LRBA: variants seen among roughly 807,000 people sequenced by gnomAD.
LRBA encodes the protein lipopolysaccharide-responsive and beige-like anchor protein.
Under a neutral mutation model 330.0 loss-of-function variants are expected in LRBA, and 176 were observed. The observed-to-expected ratio is 0.53, with a 90% CI of 0.47 to 0.60. The LOEUF is 0.60. LRBA is among the 20% of genes least tolerant of loss of function. The probability of loss-of-function intolerance (pLI) is 0.00; values close to 1 mark genes in which losing one functional copy is unlikely to be tolerated. For synonymous variants in LRBA, 1,230 were observed against 1,193.0 expected, an observed-to-expected ratio of 1.03 and a Z score of -0.64; for missense variants, 3,259 against 3,444.8, an observed-to-expected ratio of 0.95 and a Z score of 1.35.
chr4:150,838,236 T>G (rs535410873), intron 28 of LRBA, among the ~76,000 whole-genome samples: 15 of 152,350 alleles, frequency 9.8e-5, no homozygotes, highest in Admixed American at 8.5e-4. Flanking sequence ...TTTTCCTTCA[T>G]TTCAACTTTG....
In LRBA at chr4:150,308,015, A is replaced by G. The variant is rs1730581155; in HGVS notation, c.7849+2214T>C. ...ATAACCAAAAATTAATTGTTCTATA[A>G]ACTATATTAAGGCAGGAGTATGGAC... On this transcript the variant is annotated intron_variant, in intron 52 of 56. Transcript: ENST00000651943. Among the ~76,000 whole-genome samples, 3 of 152,244 alleles carry G rather than the reference A, an allele frequency of 2.0e-5. No homozygotes were observed. In the South Asian group the frequency reaches 6.2e-4, roughly 32 times the overall value.
intron 37 of LRBA, among the ~76,000 whole-genome samples, chr4:150,676,085 C>G (rs557118352): frequency 6.6e-4 from 100 of 152,202 alleles, no homozygotes; most frequent in Non-Finnish European, 1.2e-3. Flanking sequence ...TGCAATTTGT[C>G]TATAATGAAT....
chr4:150,467,630 A>T, intron 44 of LRBA, 43 bp downstream of exon 44: 1 of 1,199,660 alleles, frequency 8.3e-7, no homozygotes, highest in South Asian at 1.4e-5. Flanking sequence ...ATTTATTTTT[A>T]TATGCAAGAC....
At chr4:151,009,485 G>T (rs1490305974) in intron 2 of LRBA, among the ~76,000 whole-genome samples, 1 of 149,376 alleles carries the variant, frequency 6.7e-6, no homozygotes, top group Non-Finnish European at 1.5e-5. Context: ...GGAAGTGGAG[G>T]TTACACTGAG....
intron 36 of LRBA, among the ~76,000 whole-genome samples, chr4:150,720,428 A>G (rs1728782654): frequency 2.0e-5 from 3 of 152,128 alleles, no homozygotes; most frequent in Admixed American, 1.3e-4. Context: ...AAGAGGCTGA[A>G]GTCCTAAATA....
chr4:150,617,738 A>G (rs1342517889), intron 37 of LRBA, among the ~76,000 whole-genome samples: 1 of 152,222 alleles, frequency 6.6e-6, no homozygotes, highest in Non-Finnish European at 1.5e-5. Flanking sequence ...CATATAGGCT[A>G]CGCATCAATT....
intron 18 of LRBA, 102 bp from the exon 19 acceptor site, chr4:150,871,555 AAAC>A: frequency 4.4e-6 from 3 of 682,776 alleles, no homozygotes; most frequent in Non-Finnish European, 8.0e-6. Context: ...TTCACATTAC[AAAC>A]AATTCCCAAC....
Position 150,797,500 on chromosome 4 carries a change from G to GT in LRBA, c.5580+580dup, listed in dbSNP as rs77546765. Among the ~76,000 whole-genome samples the GT allele has an allele frequency of 7.5e-4, 114 of 151,652 alleles. 3 individuals carry two copies. The East Asian group carries it at 0.019, about 26-fold the overall frequency. ...CACAGGATACATGATTTTTATATAA[G>GT]TTTTTTTTAAAAAAATCATTAAAGT... is the stretch of plus-strand genomic sequence containing the variant. On this transcript the variant is annotated intron_variant, in intron 34 of 56. Transcript: ENST00000651943.
At chr4:150,650,914 C>T (rs1010590136) in intron 37 of LRBA, among the ~76,000 whole-genome samples, 1 of 152,088 alleles carries the variant, frequency 6.6e-6, no homozygotes, top group Non-Finnish European at 1.5e-5. Context: ...TCTATTATTA[C>T]TGTGACTAAA....
At chr4:150,528,173 AC>A (rs1338922106) in intron 40 of LRBA, among the ~76,000 whole-genome samples, 1 of 152,082 alleles carries the variant, frequency 6.6e-6, no homozygotes, top group East Asian at 1.9e-4. Flanking sequence ...ATTGTGGTAT[AC>A]CTATATTTGG....
At chr4:150,609,906 C>T (rs1203377445) in intron 37 of LRBA, among the ~76,000 whole-genome samples, 11 of 151,948 alleles carry the variant, frequency 7.2e-5, no homozygotes, top group Non-Finnish European at 1.5e-4. Context: ...AGGTATGATC[C>T]CATAAAAAGA....
intron 31 of LRBA, among the ~76,000 whole-genome samples, chr4:150,809,822 T>C (rs562317413): frequency 6.6e-6 from 1 of 152,132 alleles, no homozygotes; most frequent in Admixed American, 6.5e-5. Flanking sequence ...CATTCTAGCC[T>C]GAGTGACAAA....
intron 47 of LRBA, among the ~76,000 whole-genome samples, chr4:150,391,318 C>G (rs377666217): frequency 2.0e-5 from 3 of 152,150 alleles, no homozygotes; most frequent in East Asian, 1.9e-4. Context: ...CAGACTTTTA[C>G]TTCAGGAAGA....
Position 150,914,345 on chromosome 4 carries a change from T to C in LRBA, c.1015-4A>G, listed in dbSNP as rs141197955. The C allele has an allele frequency of 6.3e-6, 9 of 1,419,906 alleles. No individual in the cohort carries two copies. The highest frequency in any genetic ancestry group is 3.1e-5 in the African/African-American group (2 of 65,556). 88.0% of individuals were successfully genotyped at this position (1,419,906 alleles called of 1,614,324 possible). A position where few individuals can be genotyped will look rare whatever the true frequency, so the allele number is the denominator to read the frequency against. ...CCAGGAAACATTTGTCAAAGGTCTGTAAAAGAAAAAAAAAAAGGAATTAGG... is the reference window on the plus strand; with the variant it reads ...CCAGGAAACATTTGTCAAAGGTCTGCAAAAGAAAAAAAAAAAGGAATTAGG... On this transcript the variant is annotated splice_polypyrimidine_tract_variant and splice_region_variant and intron_variant, in intron 8 of 56. Transcript: ENST00000651943.
chr4:150,685,422 T>TATATATATATATA (rs1783518382), intron 36 of LRBA, among the ~76,000 whole-genome samples: 10 of 12,532 alleles, frequency 8.0e-4, no homozygotes, highest in Admixed American at 2.0e-3. Context: ...ATATATATAT[T>TATATATATATATA]TTTTTTTTTT....
intron 56 of LRBA, 101 bp from the exon 57 acceptor site, chr4:150,265,913 G>A (rs920474328): frequency 6.9e-6 from 5 of 719,772 alleles, no homozygotes; most frequent in Non-Finnish European, 1.3e-5. Context: ...TATAGAAGCT[G>A]GCAGTGAAGG....
intron 44 of LRBA, among the ~76,000 whole-genome samples, chr4:150,449,203 A>G (rs1318809275): frequency 6.6e-6 from 1 of 152,186 alleles, no homozygotes; most frequent in Non-Finnish European, 1.5e-5. Context: ...AAAGGGATAG[A>G]AAATCCTGTG....
chr4:151,011,364 T>C (rs961461760), intron 2 of LRBA, among the ~76,000 whole-genome samples: 10 of 152,198 alleles, frequency 6.6e-5, no homozygotes, highest in African/African-American at 2.2e-4. Context: ...TTCAGGAGGC[T>C]GAACGGGTGG....
At chr4:150,374,115 C>T (rs1325371619) in intron 47 of LRBA, among the ~76,000 whole-genome samples, 1 of 152,110 alleles carries the variant, frequency 6.6e-6, no homozygotes, top group African/African-American at 2.4e-5. Context: ...TAGATTTTAC[C>T]ACAAACACTC....
Sources: gnomAD v4.1 joint callset for allele counts (sites outside exome capture counted in the v4.1 genomes callset) on GRCh38, gnomAD v4.1.1 for gene constraint, MANE v1.5 for transcripts, NCBI Gene and HGNC (gene_info 2026-07-23, HGNC 2026-07-21) for gene names.